Variants in ANKRD36C observed in about 807,000 individuals in gnomAD.
ANKRD36C encodes ankyrin repeat domain 36C.
A neutral mutation model predicts 276.4 loss-of-function variants in ANKRD36C; 61 were observed. The ratio of observed to expected loss-of-function variants is 0.22; its 90% CI spans 0.18 to 0.27. The LOEUF is 0.27. Among genes scored for constraint, ANKRD36C ranks in the 10% least tolerant of loss-of-function variants. The probability of loss-of-function intolerance (pLI) is 1.00; values close to 1 mark genes in which losing one functional copy is unlikely to be tolerated. For synonymous variants in ANKRD36C, 483 were observed against 680.1 expected, an observed-to-expected ratio of 0.71 and a Z score of 4.51; for missense variants, 1,447 against 2,032.3, an observed-to-expected ratio of 0.71 and a Z score of 5.54.
At chr2:95,974,467 T>A (rs1461975757) in intron 6 of ANKRD36C, among the ~76,000 whole-genome samples, 2 of 152,184 alleles carry the variant, frequency 1.3e-5, no homozygotes, top group African/African-American at 4.8e-5. Flanking sequence ...AATATTTTCT[T>A]TAGGGATGAA....
At chr2:95,870,488 G>A (rs1010942501) in intron 59 of ANKRD36C, among the ~76,000 whole-genome samples, 1 of 152,110 alleles carries the variant, frequency 6.6e-6, no homozygotes, top group Non-Finnish European at 1.5e-5. Context: ...CAAACAGAAA[G>A]GACATCCACA....
chr2:95,980,502 C>G, intron 5 of ANKRD36C, 146 bp downstream of exon 5: 1 of 1,181,734 alleles, frequency 8.5e-7, no homozygotes, highest in Middle Eastern at 2.2e-4. Context: ...TTGCACAACT[C>G]TCGAAAACTT....
At chr2:95,956,267 A>G (rs1298516816) in intron 13 of ANKRD36C, among the ~76,000 whole-genome samples, 2 of 152,196 alleles carry the variant, frequency 1.3e-5, no homozygotes. Context: ...GCCACAGGTA[A>G]CTGATATCTG....
chr2:95,941,931 T>C (rs1677903096), intron 19 of ANKRD36C, among the ~76,000 whole-genome samples: 1 of 152,304 alleles, frequency 6.6e-6, no homozygotes, highest in Non-Finnish European at 1.5e-5. Flanking sequence ...GGTGAGTCAC[T>C]GGATTGGCAA....
At chr2:95,924,659 A>G (rs1007558567) in intron 30 of ANKRD36C, among the ~76,000 whole-genome samples, 16 of 151,658 alleles carry the variant, frequency 1.1e-4, no homozygotes, top group Non-Finnish European at 2.4e-4. Flanking sequence ...TAACTAATAA[A>G]AAATATATGT....
Position 95,876,436 on chromosome 2 carries a change from T to C in ANKRD36C, c.3540+3A>G, listed in dbSNP as rs1558623797. ...AGAAATTTGATTTTAAATTTTTACA[T>C]ACCTGTGGCTGGTTATTTTCATATT... On this transcript the variant is annotated splice_donor_region_variant and intron_variant, in intron 59 of 66. Coordinates refer to ENST00000456556, the Ensembl canonical transcript of ANKRD36C. 2 of 1,578,402 alleles carry C rather than the reference T, an allele frequency of 1.3e-6. No individual in the cohort carries two copies. The highest frequency in any genetic ancestry group is 1.7e-5 in the Admixed American group (1 of 57,270).
At chr2:95,966,951 T>C (rs1277193586) in intron 6 of ANKRD36C, among the ~76,000 whole-genome samples, 2 of 152,196 alleles carry the variant, frequency 1.3e-5, no homozygotes, top group East Asian at 3.8e-4. Flanking sequence ...ACTCATGATT[T>C]AGTGCTCTAT....
chr2:95,855,470 C>T (rs746567207), exon 63 of ANKRD36C: 10 of 1,612,096 alleles, frequency 6.2e-6, no homozygotes, highest in Non-Finnish European at 8.5e-6. Context: ...GAGCATCATC[C>T]AGTTGCTGTT....
At chr2:95,907,685 A>G (rs2104387367) in intron 42 of ANKRD36C, among the ~76,000 whole-genome samples, 1 of 145,316 alleles carries the variant, frequency 6.9e-6, no homozygotes, top group East Asian at 2.0e-4. Flanking sequence ...TCTTGTTGGG[A>G]GTATCGTGTT....
chr2:95,960,156 C>T (rs1678422122), intron 10 of ANKRD36C, among the ~76,000 whole-genome samples: 1 of 152,020 alleles, frequency 6.6e-6, no homozygotes, highest in Non-Finnish European at 1.5e-5. Context: ...ATCTTATTCT[C>T]CTTCCCCTCT....
intron 34 of ANKRD36C, among the ~76,000 whole-genome samples, chr2:95,920,152 C>T (rs1435964432): frequency 1.5e-5 from 2 of 131,592 alleles, no homozygotes; most frequent in Non-Finnish European, 3.4e-5. Context: ...ATTCATCATA[C>T]GTCAAAAACT....
intron 56 of ANKRD36C, among the ~76,000 whole-genome samples, chr2:95,881,595 A>T (rs1418354079): frequency 6.6e-6 from 1 of 152,102 alleles, no homozygotes; most frequent in African/African-American, 2.4e-5. Context: ...AATAACTAAT[A>T]AAAAATATAT....
chr2:95,878,510 A>G (rs1676004754), intron 58 of ANKRD36C, among the ~76,000 whole-genome samples: 2 of 152,248 alleles, frequency 1.3e-5, no homozygotes, highest in South Asian at 2.1e-4. Flanking sequence ...CAACACTTCT[A>G]TATAACTCTC....
intron 19 of ANKRD36C, among the ~76,000 whole-genome samples, chr2:95,944,401 C>A (rs1677977826): frequency 6.6e-6 from 1 of 152,312 alleles, no homozygotes; most frequent in African/African-American, 2.4e-5. Context: ...CTTGTTGTCA[C>A]ACTTCTTTTC....
chr2:95,925,578 A>G (rs755555190), intron 28 of ANKRD36C, 31 bp from the exon 29 acceptor site: 3 of 1,527,186 alleles, frequency 2.0e-6, no homozygotes, highest in South Asian at 2.4e-5. Context: ...ATAATTCATC[A>G]TATGTAAATA....
intron 52 of ANKRD36C, among the ~76,000 whole-genome samples, chr2:95,885,589 C>G (rs1178297890): frequency 6.6e-6 from 1 of 151,916 alleles, no homozygotes; most frequent in Non-Finnish European, 1.5e-5. Flanking sequence ...CTCACAATCC[C>G]TCTTCCTTGT....
rs202137990 is a variant in ANKRD36C, at chr2:95,931,204, A to G, written c.1736-1937T>C. ...GTTTTGCTTTATTAAAATGTTAAAT[A>G]TGTCAGACACTTGACTAACATGTAC... On this transcript the variant is annotated intron_variant, in intron 24 of 66. Transcript: ENST00000456556. Among the ~76,000 whole-genome samples the G allele has an allele frequency of 1.1e-3, 163 of 151,836 alleles. 1 individual carries two copies. The highest frequency in any genetic ancestry group is 3.6e-3 in the African/African-American group (148 of 41,492).
At chr2:95,921,518 C>G (rs920151503) in intron 34 of ANKRD36C, 89 bp downstream of exon 34, 10 of 1,514,862 alleles carry the variant, frequency 6.6e-6, no homozygotes, top group East Asian at 2.5e-5. Context: ...GGCGAGCCCC[C>G]CCACCTGCCC....
chr2:95,893,436 A>C (rs1190759162), intron 44 of ANKRD36C, 97 bp downstream of exon 64: 2 of 1,477,762 alleles, frequency 1.4e-6, no homozygotes, highest in Non-Finnish European at 1.8e-6. Context: ...TGAATCAGAA[A>C]GTGCAGCTTC....
Sources: gnomAD v4.1 joint callset for allele counts (sites outside exome capture counted in the v4.1 genomes callset) on GRCh38, gnomAD v4.1.1 for gene constraint, MANE v1.5 for transcripts, NCBI Gene and HGNC (gene_info 2026-07-23, HGNC 2026-07-21) for gene names.